Variants in FLVCR2 observed in about 807,000 individuals in gnomAD.
The protein encoded by FLVCR2 is choline/ethanolamine transporter FLVCR2.
In FLVCR2, 38 loss-of-function variants were observed where a neutral mutation model predicts 48.9. The observed-to-expected ratio is 0.78, with a 90% CI of 0.60 to 1.02. The LOEUF (loss-of-function observed/expected upper bound fraction) is 1.02, where lower values mean the gene tolerates loss of function less well. Ranked by LOEUF, FLVCR2 falls within the 50% of genes least tolerant of loss-of-function variation. The pLI, the probability that FLVCR2 is intolerant of heterozygous loss-of-function variation, is 0.00. For synonymous variants in FLVCR2, 255 were observed against 257.0 expected (o/e 0.99, Z 0.07); for missense variants, 664 against 663.3 (o/e 1.00, Z -0.01).
At chr14:75,627,475 A>G (rs991163899) in intron 3 of FLVCR2, among the ~76,000 whole-genome samples, 22 of 152,170 alleles carry the variant, frequency 1.4e-4, no homozygotes, top group African/African-American at 5.3e-4. Flanking sequence ...CTTTCTCCCT[A>G]CTACAGCCTT....
At chr14:75,616,042 A>AAAAAAAAAAAAAAAAAAAAAAC (rs1214872983) in intron 1 of FLVCR2, among the ~76,000 whole-genome samples, 1 of 144,766 alleles carries the variant, frequency 6.9e-6, no homozygotes, top group Non-Finnish European at 1.5e-5. Flanking sequence ...AAAAAAAAAA[A>AAAAAAAAAAAAAAAAAAAAAAC]AAAAAATAGC....
chr14:75,641,358 G>A, intron 8 of FLVCR2, 65 bp downstream of exon 8: 2 of 1,034,946 alleles, frequency 1.9e-6, no homozygotes, highest in East Asian at 4.7e-5. Flanking sequence ...GTGTCTCGAT[G>A]GAGCAACAGA....
At chr14:75,621,185 G>A (rs1489085940) in intron 1 of FLVCR2, among the ~76,000 whole-genome samples, 4 of 152,054 alleles carry the variant, frequency 2.6e-5, no homozygotes, top group Non-Finnish European at 5.9e-5. Context: ...AGGCCAAGAC[G>A]GGTGGATCAC....
intron 1 of FLVCR2, among the ~76,000 whole-genome samples, chr14:75,613,498 A>G (rs559225989): frequency 1.3e-5 from 2 of 152,192 alleles, no homozygotes; most frequent in South Asian, 2.1e-4. Flanking sequence ...ACCTCCCACC[A>G]GGCCCCACCT....
intron 1 of FLVCR2, among the ~76,000 whole-genome samples, chr14:75,620,856 T>C (rs1889745057): frequency 6.6e-6 from 1 of 152,192 alleles, no homozygotes; most frequent in African/African-American, 2.4e-5. Flanking sequence ...TGATGGATGA[T>C]GTGAAAGTGA....
chr14:75,602,438 C>G (rs1889188045), intron 1 of FLVCR2, among the ~76,000 whole-genome samples: 1 of 152,128 alleles, frequency 6.6e-6, no homozygotes, highest in African/African-American at 2.4e-5. Flanking sequence ...TGACCAGCCC[C>G]CTCCTGAGGC....
chr14:75,637,058 G>T (rs1594814736), intron 5 of FLVCR2, among the ~76,000 whole-genome samples: 1 of 152,314 alleles, frequency 6.6e-6, no homozygotes. Context: ...AGCATCCTTT[G>T]GAGACTCTGA....
intron 1 of FLVCR2, among the ~76,000 whole-genome samples, chr14:75,603,948 G>A (rs1889227070): frequency 6.6e-6 from 1 of 152,206 alleles, no homozygotes; most frequent in Non-Finnish European, 1.5e-5. Context: ...CCTGGGCATA[G>A]CAGCTGCTTG....
chr14:75,606,471 AC>A lies in FLVCR2; in HGVS notation c.670-15607del, dbSNP rs140203512. Among the ~76,000 whole-genome samples, 161 of 152,282 alleles carry A rather than the reference AC, an allele frequency of 1.1e-3. 2 individuals carry two copies. In the East Asian group the frequency reaches 0.029, roughly 27 times the overall value. ...GGTTTGTGGAGACACCCATTTGAGC[AC>A]ACCCAGGATTCATCCCTTCTCTGCT... On this transcript the variant is annotated intron_variant, in intron 1 of 9. Coordinates refer to ENST00000238667, the MANE Select transcript of FLVCR2 (RefSeq NM_017791.3).
At chr14:75,611,346 C>T (rs1889440895) in intron 1 of FLVCR2, among the ~76,000 whole-genome samples, 1 of 152,098 alleles carries the variant, frequency 6.6e-6, no homozygotes, top group South Asian at 2.1e-4. Flanking sequence ...CCGTTGAGGG[C>T]TTTGGAATCA....
intron 6 of FLVCR2, among the ~76,000 whole-genome samples, chr14:75,640,405 TTGTGTG>T (rs10562124): frequency 5.4e-5 from 8 of 148,470 alleles, no homozygotes; most frequent in South Asian, 4.3e-4. Flanking sequence ...ATATGAGTGT[TTGTGTG>T]TGTGTGTGTG....
At chr14:75,597,346 A>T (rs1889049494) in intron 1 of FLVCR2, among the ~76,000 whole-genome samples, 1 of 151,744 alleles carries the variant, frequency 6.6e-6, no homozygotes, top group Admixed American at 6.6e-5. Flanking sequence ...GTTGCATGGA[A>T]CTGAATTTCA....
At chr14:75,618,885 G>GTTT (rs560405639) in intron 1 of FLVCR2, among the ~76,000 whole-genome samples, 4 of 134,630 alleles carry the variant, frequency 3.0e-5, no homozygotes, top group East Asian at 2.1e-4. Context: ...GAGCAGCAGG[G>GTTT]TTTTTTTTTT....
At chr14:75,632,826 T>G in intron 3 of FLVCR2, 1 of 702,324 alleles carries the variant, frequency 1.4e-6, no homozygotes, top group Non-Finnish European at 2.6e-6. Context: ...ATCTCTAAAA[T>G]GGTGACGATA....
intron 1 of FLVCR2, among the ~76,000 whole-genome samples, chr14:75,592,322 G>A (rs1888905711): frequency 6.6e-6 from 1 of 152,084 alleles, no homozygotes; most frequent in African/African-American, 2.4e-5. Context: ...TCTGGCCAGA[G>A]CAGCTAGGAG....
Position 75,646,924 on chromosome 14 carries a change from G to A in FLVCR2, c.*452G>A, listed in dbSNP as rs574664041. Reference sequence around the variant, plus strand: ...CTAATAAGTGGCAAGCTGCTCTGCCGGGGTCATCTCCTGGGTCATCGGACT... The same window carrying A: ...CTAATAAGTGGCAAGCTGCTCTGCCAGGGTCATCTCCTGGGTCATCGGACT... On this transcript the variant is annotated 3_prime_UTR_variant, in exon 10 of 10. Coordinates refer to ENST00000238667, the MANE Select transcript of FLVCR2 (RefSeq NM_017791.3). 5.8e-5 allele frequency: 15 copies of A among 257,422 alleles called. No homozygotes were observed. Among genetic ancestry groups the A allele is most frequent in the African/African-American group, 1.8e-4 (8 of 45,524 alleles). 15.9% of individuals were successfully genotyped at this position (257,422 alleles called of 1,614,324 possible).
chr14:75,578,724 G>T lies in FLVCR2; in HGVS notation c.-249G>T, dbSNP rs1234264832. 2 of 582,586 alleles carry T rather than the reference G, an allele frequency of 3.4e-6. No individual in the cohort carries two copies. 36.1% of individuals were successfully genotyped at this position (582,586 alleles called of 1,614,324 possible). A position where few individuals can be genotyped will look rare whatever the true frequency, so the allele number is the denominator to read the frequency against. On this transcript the variant is annotated 5_prime_UTR_variant, in exon 1 of 10. Coordinates refer to ENST00000238667, the MANE Select transcript of FLVCR2 (RefSeq NM_017791.3). ...CAGGAGCGGTCCGGAGCCGGCTGCG[G>T]CGTGTGCGGCCGGCCTTGGGACAGC...
At position 75,645,716 on chromosome 14, in the gene FLVCR2, G is replaced by A. The variant is rs529657347; in HGVS notation, c.1510-685G>A. Reference sequence around the variant, plus strand: ...GTGGATCACCTGAGGTCAGGAGTTCGAGACCAGCCTGGCCAACATGGTGAA... The same window carrying A: ...GTGGATCACCTGAGGTCAGGAGTTCAAGACCAGCCTGGCCAACATGGTGAA... On this transcript the variant is annotated intron_variant, in intron 9 of 9. Coordinates refer to ENST00000238667, the MANE Select transcript of FLVCR2 (RefSeq NM_017791.3). 6.6e-5 allele frequency among the ~76,000 whole-genome samples: 10 copies of A among 152,186 alleles called. No homozygotes were observed. The South Asian group carries it at 1.2e-3, about 19-fold the overall frequency.
At chr14:75,609,983 A>G (rs1967679258) in intron 1 of FLVCR2, among the ~76,000 whole-genome samples, 1 of 152,236 alleles carries the variant, frequency 6.6e-6, no homozygotes, top group Non-Finnish European at 1.5e-5. Flanking sequence ...TGTCTGGGAC[A>G]GAATTGGTGG....
Sources: allele counts gnomAD v4.1 joint callset (sites outside exome capture counted in the v4.1 genomes callset), GRCh38; gene constraint gnomAD v4.1.1; transcripts MANE v1.5; gene names NCBI Gene and HGNC (gene_info 2026-07-23, HGNC 2026-07-21).